The following C5orf15 variants were observed in gnomAD, a reference collection of about 807,000 sequenced individuals.
C5orf15 encodes chromosome 5 open reading frame 15.
A neutral mutation model predicts 17.8 loss-of-function variants in C5orf15; 10 were observed. The observed-to-expected ratio is 0.56, with a 90% CI of 0.35 to 0.95. The LOEUF is 0.95. Among genes scored for constraint, C5orf15 ranks in the 40% least tolerant of loss-of-function variants. The pLI is 0.02. For synonymous variants in C5orf15, 124 were observed against 131.0 expected (o/e 0.95, Z 0.36); for missense variants, 319 against 331.7 (o/e 0.96, Z 0.30).
intron 1 of C5orf15, among the ~76,000 whole-genome samples, chr5:133,963,737 A>C (rs1004160764): frequency 6.6e-6 from 1 of 152,244 alleles, no homozygotes; most frequent in African/African-American, 2.4e-5. Context: ...CATGATGTCC[A>C]TAGAAAGCTC....
Position 133,956,980 on chromosome 5 carries a change from A to G in C5orf15, c.677T>C (p.Leu226Pro). 4.3e-6 allele frequency: 7 copies of G among 1,609,200 alleles called. No homozygotes were observed. Among genetic ancestry groups the G allele is most frequent in the Non-Finnish European group, 5.9e-6 (7 of 1,178,716 alleles). The change falls in exon 3 of 3, where the codon CTG (leucine) becomes CCG (proline). Residue 226 changes from leucine (L) to proline (P), a missense_variant. Leu to Pro is a moderately conservative substitution (Grantham distance 98). Coordinates refer to ENST00000231512, the MANE Select transcript of C5orf15 (RefSeq NM_020199.3). ...TYHNKRKIFL[L>P]VQSRKWRDGL... ...ATCACGCCATTTCCTGCTTTGAACC[A>G]GAAGAAAAATCTGGAAAACAGAAGT...
At chr5:133,962,524 T>C (rs1328412624) in intron 1 of C5orf15, among the ~76,000 whole-genome samples, 1 of 152,218 alleles carries the variant, frequency 6.6e-6, no homozygotes, top group African/African-American at 2.4e-5. Context: ...CTTACTTTCA[T>C]CCAACTCCAA....
At chr5:133,961,605 T>G (rs1040999554) in intron 1 of C5orf15, among the ~76,000 whole-genome samples, 4 of 151,402 alleles carry the variant, frequency 2.6e-5, no homozygotes, top group African/African-American at 9.7e-5. Context: ...TTTTTTTTTT[T>G]GACAGGGTCT....
intron 1 of C5orf15, among the ~76,000 whole-genome samples, chr5:133,968,107 C>T (rs1752222277): frequency 6.6e-6 from 1 of 151,982 alleles, no homozygotes; most frequent in Admixed American, 6.6e-5. Flanking sequence ...ATTTTGGAGA[C>T]CCCACCACCG....
rs78628040 is a variant in C5orf15, at chr5:133,966,970, C to T, written c.139+1476G>A. Among the ~76,000 whole-genome samples, 544 of 152,312 alleles carry T rather than the reference C, an allele frequency of 3.6e-3. 2 individuals carry two copies. Among genetic ancestry groups the T allele is most frequent in the African/African-American group, 0.013 (523 of 41,570 alleles). ...ACAAATAAAAGCAGAGACTAAAGGA[C>T]ACTTAACAGTCCACATTCTGCCTCA... On this transcript the variant is annotated intron_variant, in intron 1 of 2. Transcript: ENST00000231512.
At chr5:133,963,933 A>C (rs1420589671) in intron 1 of C5orf15, among the ~76,000 whole-genome samples, 1 of 152,224 alleles carries the variant, frequency 6.6e-6, no homozygotes, top group Non-Finnish European at 1.5e-5. Context: ...TTAAAGGAAC[A>C]AACAACCAGG....
chr5:133,960,957 T>C (rs1752114056), intron 1 of C5orf15, among the ~76,000 whole-genome samples: 1 of 151,440 alleles, frequency 6.6e-6, no homozygotes, highest in African/African-American at 2.4e-5. Flanking sequence ...AAAACCTCTG[T>C]CATGTAGATC....
intron 1 of C5orf15, among the ~76,000 whole-genome samples, chr5:133,963,776 T>G: frequency 6.8e-6 from 1 of 146,596 alleles, no homozygotes. Context: ...TGAGACAGGG[T>G]CTCGCTTTGT....
At chr5:133,968,296 C>A (rs1237525520) in intron 1 of C5orf15, 150 bp downstream of exon 1, 2 of 1,053,600 alleles carry the variant, frequency 1.9e-6, no homozygotes, top group East Asian at 5.2e-5. Flanking sequence ...CCATACCCTC[C>A]GTCCTCAGGC....
At chr5:133,961,150 C>T (rs1310982074) in intron 1 of C5orf15, among the ~76,000 whole-genome samples, 2 of 141,412 alleles carry the variant, frequency 1.4e-5, no homozygotes, top group Admixed American at 1.5e-4. Flanking sequence ...AGTTGACATC[C>T]ATTTTGTGTA....
In C5orf15 at chr5:133,968,547, G is replaced by T; in HGVS notation, c.38C>A (p.Ala13Glu). Residue 13 changes from alanine (A) to glutamate (E), a missense_variant, in exon 1 of 3, where the codon GCA becomes GAA. Ala to Glu is a moderately radical substitution (Grantham distance 107). Transcript: ENST00000231512. ...CGACCCGGGCAGCAGTTTCGCTTGT[G>T]CTGGCCCCCTCATCCTCTTCGGGAC... ...AAVPKRMRGPAQAKLLPGSAI... is the reference protein window; with the variant it reads ...AAVPKRMRGPEQAKLLPGSAI... 6.2e-7 allele frequency: 1 copy of T among 1,609,854 alleles called. No individual in the cohort carries two copies. Among genetic ancestry groups the T allele is most frequent in the Non-Finnish European group, 8.5e-7 (1 of 1,178,644 alleles).
intron 1 of C5orf15, among the ~76,000 whole-genome samples, chr5:133,967,756 G>T (rs1429623732): frequency 1.3e-5 from 2 of 152,022 alleles, no homozygotes; most frequent in African/African-American, 2.4e-5. Flanking sequence ...AAGCCTTCAG[G>T]GGCCCAACGC....
chr5:133,961,671 G>T (rs965970402), intron 1 of C5orf15, among the ~76,000 whole-genome samples: 1 of 147,902 alleles, frequency 6.8e-6, no homozygotes, highest in Admixed American at 6.8e-5. Context: ...CTGTAGCCTC[G>T]ACCTCCTGGT....
intron 2 of C5orf15, among the ~76,000 whole-genome samples, chr5:133,957,354 C>A (rs1203071715): frequency 6.6e-6 from 1 of 150,602 alleles, no homozygotes; most frequent in Non-Finnish European, 1.5e-5. Context: ...CAAAGCAAGA[C>A]CCTGTCTCAA....
chr5:133,963,732 T>C (rs1227076862), intron 1 of C5orf15, among the ~76,000 whole-genome samples: 1 of 152,224 alleles, frequency 6.6e-6, no homozygotes, highest in East Asian at 1.9e-4. Flanking sequence ...AACTACATGA[T>C]GTCCATAGAA....
chr5:133,955,909 G>A lies in C5orf15; in HGVS notation c.*950C>T, dbSNP rs1203114600. 3 of 152,134 alleles carry A rather than the reference G, an allele frequency of 2.0e-5. No individual in the cohort carries two copies. The highest frequency in any genetic ancestry group is 2.9e-5 in the Non-Finnish European group (2 of 68,014). 9.4% of individuals were successfully genotyped at this position (152,134 alleles called of 1,614,324 possible). A position where few individuals can be genotyped will look rare whatever the true frequency, so the allele number is the denominator to read the frequency against. On this transcript the variant is annotated 3_prime_UTR_variant, in exon 3 of 3. Coordinates refer to ENST00000231512, the MANE Select transcript of C5orf15 (RefSeq NM_020199.3). ...AAAAACAAAAACAAAGAAAACAAGTGTGGGGGAAAAAAGGTAATTGTACAC... is the reference window on the plus strand; with the variant it reads ...AAAAACAAAAACAAAGAAAACAAGTATGGGGGAAAAAAGGTAATTGTACAC...
At chr5:133,967,345 G>A (rs770920118) in intron 1 of C5orf15, 1 of 152,240 alleles carries the variant, frequency 6.6e-6, no homozygotes, top group Non-Finnish European at 1.5e-5. Context: ...TACTGTCGCA[G>A]AGGAATGTAG....
chr5:133,959,723 C>T lies in C5orf15; in HGVS notation c.437G>A (p.Gly146Asp), dbSNP rs1561574378. 2 of 1,613,982 alleles carry T rather than the reference C, an allele frequency of 1.2e-6. No individual in the cohort carries two copies. The highest frequency in any genetic ancestry group is 4.5e-5 in the East Asian group (2 of 44,886). Reference sequence around the variant, plus strand: ...GTCATAGTCTGGTTCTCCATAATCGCCATTGTCTAGAGTGTCTTTGGCTGT... The same window carrying T: ...GTCATAGTCTGGTTCTCCATAATCGTCATTGTCTAGAGTGTCTTTGGCTGT... ...PSTAKDTLDN[G>D]DYGEPDYDWT... The change falls in exon 2 of 3, where the codon GGC (glycine) becomes GAC (aspartate). Residue 146 changes from glycine (G) to aspartate (D), a missense_variant. Physicochemically the swap from Gly to Asp is moderately conservative, Grantham distance 94 (BLOSUM62 -1). Transcript: ENST00000231512.
intron 2 of C5orf15, among the ~76,000 whole-genome samples, 199 bp downstream of exon 2, chr5:133,959,295 G>A (rs1488249165): frequency 6.6e-6 from 1 of 150,986 alleles, no homozygotes; most frequent in Admixed American, 6.6e-5. Context: ...TCGACAGGCT[G>A]AGGCAAGAGA....
Sources: gnomAD v4.1 joint callset for allele counts (sites outside exome capture counted in the v4.1 genomes callset) on GRCh38, gnomAD v4.1.1 for gene constraint, MANE v1.5 for transcripts, NCBI Gene and HGNC (gene_info 2026-07-23, HGNC 2026-07-21) for gene names.